SPAG16: variants seen among roughly 807,000 people sequenced by gnomAD.
SPAG16 encodes sperm associated antigen 16.
In SPAG16, 86 loss-of-function variants were observed where a neutral mutation model predicts 80.4. That is an observed-to-expected ratio of 1.07 (90% confidence interval 0.90 to 1.28). The LOEUF (loss-of-function observed/expected upper bound fraction) is 1.28. Ranked by LOEUF, SPAG16 falls within the 50% of genes most tolerant of loss-of-function variation. The pLI, the probability that SPAG16 is intolerant of heterozygous loss-of-function variation, is 0.00. For synonymous variants in SPAG16, 294 were observed against 265.9 expected, an observed-to-expected ratio of 1.11 and a Z score of -1.03; for missense variants, 870 against 765.3, an observed-to-expected ratio of 1.14 and a Z score of -1.61.
At chr2:213,350,095 A>G (rs1234415045) in intron 6 of SPAG16, among the ~76,000 whole-genome samples, 1 of 152,248 alleles carries the variant, frequency 6.6e-6, no homozygotes, top group African/African-American at 2.4e-5. Flanking sequence ...ATACAAGATT[A>G]GCCAAACTTG....
intron 1 of SPAG16, among the ~76,000 whole-genome samples, chr2:213,291,173 A>G (rs970435995): frequency 6.7e-6 from 1 of 148,230 alleles, no homozygotes; most frequent in Non-Finnish European, 1.5e-5. Flanking sequence ...CATCTTAATC[A>G]TATTTCTATA....
At chr2:214,050,553 T>TC (rs10625344) in intron 13 of SPAG16, among the ~76,000 whole-genome samples, 4 of 152,142 alleles carry the variant, frequency 2.6e-5, no homozygotes, top group South Asian at 2.1e-4. Context: ...ATTAATGACA[T>TC]AGAACAGAAT....
rs564193764 is a variant in SPAG16, at chr2:214,146,317, G to T, written c.1594-2823G>T. On this transcript the variant is annotated intron_variant, in intron 14 of 15. Coordinates refer to ENST00000331683, the MANE Select transcript of SPAG16 (RefSeq NM_024532.5). ...TCTGTCTCGAGGAAGGAGATTGGCA[G>T]ATGGCCCTCCAATTTTCCTGAAATG... is the stretch of plus-strand genomic sequence containing the variant. Among the ~76,000 whole-genome samples the T allele has an allele frequency of 7.2e-5, 11 of 152,304 alleles. No individual in the cohort carries two copies. In the South Asian group the frequency reaches 2.3e-3, roughly 32 times the overall value.
intron 15 of SPAG16, among the ~76,000 whole-genome samples, chr2:214,199,792 A>T (rs948325134): frequency 1.3e-5 from 2 of 151,910 alleles, no homozygotes; most frequent in Admixed American, 1.3e-4. Flanking sequence ...GCGTTTTGTA[A>T]TTTTCCTTGT....
chr2:214,343,157 A>G (rs1285577650), intron 15 of SPAG16, among the ~76,000 whole-genome samples: 1 of 152,192 alleles, frequency 6.6e-6, no homozygotes, highest in Non-Finnish European at 1.5e-5. Context: ...GGTACTACCA[A>G]ACATTAGTGG....
intron 10 of SPAG16, among the ~76,000 whole-genome samples, chr2:213,855,661 A>G (rs1310035237): frequency 6.6e-6 from 1 of 152,224 alleles, no homozygotes; most frequent in Non-Finnish European, 1.5e-5. Flanking sequence ...GAAATTCACA[A>G]TCATGGCAGA....
intron 10 of SPAG16, among the ~76,000 whole-genome samples, chr2:213,776,246 A>C (rs938593305): frequency 1.3e-5 from 2 of 152,204 alleles, no homozygotes; most frequent in African/African-American, 4.8e-5. Flanking sequence ...AGCCCTTAAA[A>C]GTGGATAAAT....
At chr2:214,151,985 G>A (rs1338699690) in intron 15 of SPAG16, among the ~76,000 whole-genome samples, 1 of 152,154 alleles carries the variant, frequency 6.6e-6, no homozygotes, top group African/African-American at 2.4e-5. Context: ...ATTTAAGGGT[G>A]TCTCAAGGTT....
At position 214,043,933 on chromosome 2, in the gene SPAG16, T is replaced by C. The variant is rs552874646; in HGVS notation, c.1527+29856T>C. ...ATACCATATAAGTCCCTTATTATTA[T>C]TGTAGTAAATCAAAGTTCTATATCT... is the stretch of plus-strand genomic sequence containing the variant. On this transcript the variant is annotated intron_variant, in intron 13 of 15. Coordinates refer to ENST00000331683, the MANE Select transcript of SPAG16 (RefSeq NM_024532.5). 2.6e-5 allele frequency among the ~76,000 whole-genome samples: 4 copies of C among 152,254 alleles called. No individual in the cohort carries two copies. In the East Asian group the frequency reaches 7.7e-4, roughly 29 times the overall value.
chr2:213,749,178 CA>C (rs2125481072), intron 10 of SPAG16, among the ~76,000 whole-genome samples: 1 of 152,002 alleles, frequency 6.6e-6, no homozygotes, highest in African/African-American at 2.4e-5. Context: ...CAAAACAAAA[CA>C]AAAAACACTC....
intron 13 of SPAG16, among the ~76,000 whole-genome samples, chr2:214,026,374 A>T (rs2048132146): frequency 6.6e-6 from 1 of 151,518 alleles, no homozygotes; most frequent in South Asian, 2.1e-4. Context: ...TGCTGACAAA[A>T]CAAAAACAAA....
At chr2:213,898,776 C>A (rs1242433465) in intron 11 of SPAG16, among the ~76,000 whole-genome samples, 1 of 152,058 alleles carries the variant, frequency 6.6e-6, no homozygotes, top group African/African-American at 2.4e-5. Flanking sequence ...CAGTTGGATT[C>A]TTGAGTAGGA....
At chr2:213,450,401 A>G (rs991764084) in intron 9 of SPAG16, among the ~76,000 whole-genome samples, 1 of 152,218 alleles carries the variant, frequency 6.6e-6, no homozygotes, top group African/African-American at 2.4e-5. Context: ...CTAAGCTTTG[A>G]TTATATCTTC....
chr2:213,666,335 A>T (rs562243125), intron 10 of SPAG16, among the ~76,000 whole-genome samples: 1 of 152,198 alleles, frequency 6.6e-6, no homozygotes, highest in South Asian at 2.1e-4. Context: ...CAATACTATC[A>T]TTCCCCCCTT....
intron 10 of SPAG16, among the ~76,000 whole-genome samples, chr2:213,676,732 C>A (rs2064099358): frequency 6.6e-6 from 1 of 150,712 alleles, no homozygotes; most frequent in South Asian, 2.1e-4. Flanking sequence ...AGGGATGAAG[C>A]CCACTTGATC....
intron 15 of SPAG16, among the ~76,000 whole-genome samples, chr2:214,332,221 C>T (rs1696968986): frequency 1.3e-5 from 2 of 152,190 alleles, no homozygotes. Context: ...CACTGCACTC[C>T]AGCCTGGTCA....
intron 3 of SPAG16, among the ~76,000 whole-genome samples, chr2:213,305,252 C>A (rs1292312914): frequency 6.6e-6 from 1 of 151,718 alleles, no homozygotes; most frequent in African/African-American, 2.4e-5. Context: ...CTTTATCAGT[C>A]CTTTTGGTGA....
intron 10 of SPAG16, among the ~76,000 whole-genome samples, chr2:213,594,137 C>T (rs922134417): frequency 1.3e-5 from 2 of 152,134 alleles, no homozygotes; most frequent in Non-Finnish European, 2.9e-5. Flanking sequence ...TTTTTCAATG[C>T]ATCACATTCT....
At chr2:213,455,955 TC>T (rs1452040680) in intron 9 of SPAG16, among the ~76,000 whole-genome samples, 3 of 152,094 alleles carry the variant, frequency 2.0e-5, no homozygotes, top group Non-Finnish European at 4.4e-5. Context: ...AAAACCCTTC[TC>T]CCCAGTCTAA....
Sources: allele counts gnomAD v4.1 joint callset (sites outside exome capture counted in the v4.1 genomes callset), GRCh38; gene constraint gnomAD v4.1.1; transcripts MANE v1.5; gene names NCBI Gene and HGNC (gene_info 2026-07-23, HGNC 2026-07-21).